SLC75A1: variants seen among roughly 807,000 people sequenced by gnomAD.
SLC75A1 encodes major facilitator superfamily domain containing 10.
the SLC75A1 span, chr4:2,930,970 G>A: frequency 6.2e-7 from 1 of 1,612,930 alleles, no homozygotes. Flanking sequence ...AGAGACGGTG[G>A]CGTCACCCAG....
the SLC75A1 span, chr4:2,932,902 C>T: frequency 1.4e-5 from 16 of 1,159,574 alleles, no homozygotes; most frequent in Admixed American, 2.0e-4. Flanking sequence ...TCAGTGCCTT[C>T]CTAGGGGCCA....
the SLC75A1 span, chr4:2,930,940 G>T: frequency 6.2e-7 from 1 of 1,613,010 alleles, no homozygotes; most frequent in Non-Finnish European, 8.5e-7. Context: ...CCTGGGCCCC[G>T]GCCAGCCAGT....
chr4:2,931,731 T>G, the SLC75A1 span: 1 of 1,550,274 alleles, frequency 6.5e-7, no homozygotes, highest in Non-Finnish European at 8.8e-7. Flanking sequence ...AGGGCGAGAG[T>G]GGCTGCCAAG....
chr4:2,931,098 A>G, the SLC75A1 span: 3 of 1,594,340 alleles, frequency 1.9e-6, no homozygotes, highest in Non-Finnish European at 1.7e-6. Flanking sequence ...CCCTGGCCAG[A>G]GCACCTAGGC....
At chr4:2,930,736 G>A in the SLC75A1 span, 1 of 1,353,154 alleles carries the variant, frequency 7.4e-7, no homozygotes, top group South Asian at 1.4e-5. Context: ...CCACCCACAG[G>A]GTCTCCCTGG....
chr4:2,932,000 C>T, the SLC75A1 span: 1 of 1,605,236 alleles, frequency 6.2e-7, no homozygotes, highest in Non-Finnish European at 8.5e-7. Context: ...CCCGGGGAAG[C>T]CCAGGGGAGA....
chr4:2,933,348 C>T, the SLC75A1 span: 660 of 985,708 alleles, frequency 6.7e-4, no homozygotes, highest in Non-Finnish European at 6.6e-4. Flanking sequence ...GCCCTTGAGC[C>T]GAGGGGGCCC....
chr4:2,931,752 G>T, the SLC75A1 span: 1 of 1,541,338 alleles, frequency 6.5e-7, no homozygotes, highest in Non-Finnish European at 8.8e-7. Flanking sequence ...GCTTCCTGGG[G>T]ATGGGGGTTG....
the SLC75A1 span, chr4:2,932,510 C>T: frequency 3.8e-5 from 62 of 1,613,570 alleles, no homozygotes; most frequent in Admixed American, 3.7e-4. Flanking sequence ...CCCCAATGAC[C>T]GCCTAGGGAA....
the SLC75A1 span, chr4:2,932,124 A>G: frequency 1.5e-5 from 24 of 1,609,684 alleles, no homozygotes; most frequent in Non-Finnish European, 1.9e-5. Context: ...GATCAGCCGC[A>G]TCACGGAACC....
the SLC75A1 span, chr4:2,932,237 A>G: frequency 5.8e-6 from 9 of 1,548,238 alleles, no homozygotes; most frequent in Non-Finnish European, 7.9e-6. Flanking sequence ...TCCCAACACC[A>G]AGAGAGCGGC....
the SLC75A1 span, chr4:2,933,309 C>CCT: frequency 8.4e-7 from 1 of 1,186,182 alleles, no homozygotes; most frequent in Non-Finnish European, 1.2e-6. Context: ...AGGGTCCAGT[C>CCT]ATGCTGGGCC....
chr4:2,933,050 G>A, the SLC75A1 span: 2 of 1,536,602 alleles, frequency 1.3e-6, no homozygotes, highest in Non-Finnish European at 1.8e-6. Context: ...ACCCCATGGG[G>A]CTACTGGCTG....
At chr4:2,934,022 C>T in the SLC75A1 span, 3 of 1,336,630 alleles carry the variant, frequency 2.2e-6, no homozygotes, top group Admixed American at 2.2e-5. Flanking sequence ...ACCCGACAGC[C>T]GGCGAGCACC....
the SLC75A1 span, chr4:2,931,468 G>A: frequency 8.2e-6 from 13 of 1,576,184 alleles, no homozygotes; most frequent in Non-Finnish European, 1.1e-5. Flanking sequence ...AGGAGGGCCT[G>A]CAGGTGGGCA....
chr4:2,932,148 G>C, the SLC75A1 span: 3 of 1,604,250 alleles, frequency 1.9e-6, no homozygotes, highest in Non-Finnish European at 2.5e-6. Flanking sequence ...GGGCGATAGA[G>C]GGCGCCTGTG....
chr4:2,933,427 CAT>C, the SLC75A1 span: 747 of 994,794 alleles, frequency 7.5e-4, 13 homozygotes, highest in East Asian at 0.017. Flanking sequence ...GAAGCCAGGA[CAT>C]GTGGGCAAGG....
At chr4:2,933,633 C>T in the SLC75A1 span, 2 of 1,613,856 alleles carry the variant, frequency 1.2e-6, no homozygotes, top group South Asian at 1.1e-5. Context: ...AACCAGTCCA[C>T]CCCGCCCTGC....
At chr4:2,930,653 T>C in the SLC75A1 span, 2 of 630,448 alleles carry the variant, frequency 3.2e-6, no homozygotes, top group African/African-American at 1.8e-5. Context: ...CTTGGAGTGC[T>C]GCAGCTCGGA....
Sources: gnomAD v4.1 joint callset for allele counts on GRCh38, gnomAD v4.1.1 for gene constraint, MANE v1.5 for transcripts, NCBI Gene and HGNC (gene_info 2026-07-23, HGNC 2026-07-21) for gene names.